The following NUB1 variants were observed in gnomAD, a reference collection of about 807,000 sequenced individuals.
NUB1 encodes negative regulator of ubiquitin like proteins 1, also known as NEDD8 ultimate buster 1.
NUB1 carries 41 observed loss-of-function variants against 77.1 expected under a neutral mutation model. The ratio of observed to expected loss-of-function variants is 0.53; its 90% confidence interval spans 0.41 to 0.69. The LOEUF is 0.69. NUB1 is among the 30% of genes least tolerant of loss of function. The probability of loss-of-function intolerance (pLI) is 0.00; values close to 1 mark genes in which losing one functional copy is unlikely to be tolerated. For synonymous variants in NUB1, 257 were observed against 281.0 expected, an observed-to-expected ratio of 0.91 and a Z score of 0.85; for missense variants, 643 against 743.8, an observed-to-expected ratio of 0.86 and a Z score of 1.58.
intron 11 of NUB1, among the ~76,000 whole-genome samples, chr7:151,371,718 T>G (rs1381439857): frequency 1.3e-5 from 2 of 152,194 alleles, no homozygotes; most frequent in African/African-American, 2.4e-5. Context: ...GGTATGAGCA[T>G]CTGACTGAGC....
At chr7:151,369,135 G>A in intron 11 of NUB1, 1 of 302,872 alleles carries the variant, frequency 3.3e-6, no homozygotes. Context: ...AGCCTCCTGA[G>A]TAGCTGGGAT....
chr7:151,357,919 T>C (rs949858242), intron 7 of NUB1, among the ~76,000 whole-genome samples: 5 of 149,114 alleles, frequency 3.4e-5, no homozygotes, highest in Non-Finnish European at 7.4e-5. Context: ...CGGATTAAAG[T>C]TGTTTTCATA....
In NUB1 at chr7:151,344,713, A is replaced by G. The variant is rs1796397392; in HGVS notation, c.-2-635A>G. Among the ~76,000 whole-genome samples, 3 of 150,762 alleles carry G rather than the reference A, an allele frequency of 2.0e-5. No individual in the cohort carries two copies. In the South Asian group the frequency reaches 6.2e-4, roughly 31 times the overall value. On this transcript the variant is annotated intron_variant, in intron 1 of 14. Coordinates refer to ENST00000568733, the MANE Select transcript of NUB1 (RefSeq NM_001243351.2). Reference sequence around the variant, plus strand: ...CCTTTTGTTTTATGTTAAACTAGCCAAAGTATGAGAGAATTTACAAGCTCA... The same window carrying G: ...CCTTTTGTTTTATGTTAAACTAGCCGAAGTATGAGAGAATTTACAAGCTCA...
intron 6 of NUB1, 63 bp downstream of exon 6, chr7:151,356,013 T>C (rs1797048102): frequency 4.5e-6 from 7 of 1,568,216 alleles, no homozygotes; most frequent in South Asian, 2.2e-5. Flanking sequence ...GATCACACAG[T>C]TGGGGGATCA....
At chr7:151,369,410 C>T (rs1351601529) in intron 11 of NUB1, among the ~76,000 whole-genome samples, 1 of 152,196 alleles carries the variant, frequency 6.6e-6, no homozygotes, top group Non-Finnish European at 1.5e-5. Flanking sequence ...CTTTCTTTAA[C>T]ACCATAGTGT....
chr7:151,342,958 G>A (rs995237937), intron 1 of NUB1, among the ~76,000 whole-genome samples: 1 of 152,132 alleles, frequency 6.6e-6, no homozygotes, highest in Non-Finnish European at 1.5e-5. Context: ...ACAGGTGTGA[G>A]CCACCGCGCC....
At chr7:151,366,840 G>T in intron 8 of NUB1, 99 bp from the exon 9 acceptor site, 1 of 934,648 alleles carries the variant, frequency 1.1e-6, no homozygotes, top group Non-Finnish European at 1.6e-6. Flanking sequence ...TATATACCAA[G>T]AACGGGGAAA....
At chr7:151,373,446 G>C (rs990099373) in intron 11 of NUB1, among the ~76,000 whole-genome samples, 1 of 152,142 alleles carries the variant, frequency 6.6e-6, no homozygotes, top group African/African-American at 2.4e-5. Context: ...CTCTGCAGCC[G>C]TCCTGCGCTC....
intron 9 of NUB1, among the ~76,000 whole-genome samples, chr7:151,367,443 A>G (rs768596305): frequency 3.3e-5 from 5 of 152,208 alleles, no homozygotes; most frequent in East Asian, 1.9e-4. Flanking sequence ...ATGTAAATGC[A>G]GAAAATAGAC....
In NUB1 at chr7:151,356,205, C is replaced by A; in HGVS notation, c.676C>A (p.Pro226Thr). The A allele has an allele frequency of 6.2e-7, 1 of 1,611,606 alleles. No individual in the cohort carries two copies. The highest frequency in any genetic ancestry group is 8.5e-7 in the Non-Finnish European group (1 of 1,177,812). Reference sequence around the variant, plus strand: ...CCAGACAGGCAGATCAATCAGAATTCCCCCATCAGAAAGAAAAGTAAGTAC... The same window carrying A: ...CCAGACAGGCAGATCAATCAGAATTACCCCATCAGAAAGAAAAGTAAGTAC... ...ANQTGRSIRI[P>T]PSERKALMLA... Residue 226 changes from proline to threonine, a missense_variant, in exon 7 of 15, where the codon CCC becomes ACC. Pro to Thr is a conservative substitution (Grantham distance 38, BLOSUM62 -1). Transcript: ENST00000568733.
At chr7:151,374,073 T>A in intron 11 of NUB1, 24 bp from the exon 12 acceptor site, 1 of 1,542,494 alleles carries the variant, frequency 6.5e-7, no homozygotes, top group Non-Finnish European at 8.8e-7. Context: ...TAACTTGGGA[T>A]GGGACTTTGC....
At chr7:151,347,501 AG>A (rs1796558059) in intron 2 of NUB1, among the ~76,000 whole-genome samples, 1 of 152,110 alleles carries the variant, frequency 6.6e-6, no homozygotes, top group South Asian at 2.1e-4. Context: ...TCTGTTGCCC[AG>A]GCTGGAGTGC....
chr7:151,344,365 C>G (rs1315640289), intron 1 of NUB1, among the ~76,000 whole-genome samples: 4 of 151,126 alleles, frequency 2.6e-5, no homozygotes, highest in African/African-American at 9.7e-5. Flanking sequence ...GGCTGGAGTG[C>G]AGTGGTGCCA....
intron 4 of NUB1, among the ~76,000 whole-genome samples, chr7:151,351,839 T>C (rs967873145): frequency 5.9e-5 from 9 of 152,064 alleles, no homozygotes; most frequent in Non-Finnish European, 8.8e-5. Context: ...CTATTTTTTT[T>C]CCCTAATGTA....
Position 151,368,827 on chromosome 7 carries a change from C to A in NUB1, c.1188C>A (p.Gly396=), listed in dbSNP as rs747619837. ...TTACTGCCCAGGAAGCCCGGCTTGG[C>A]CTGAGGGCGTGTGATGGGAACGTGG... ...LGFTAQEARL[G]LRACDGNVDH... is the part of the protein sequence containing the mutation. The change falls in exon 11 of 15, where the codon GGC becomes GGA. Residue 396 remains glycine, a synonymous_variant. Transcript: ENST00000568733. The A allele has an allele frequency of 4.3e-6, 7 of 1,614,026 alleles. No homozygotes were observed. In the South Asian group the frequency reaches 4.4e-5, roughly 10 times the overall value.
chr7:151,369,290 G>A (rs1797853860), intron 11 of NUB1: 1 of 153,924 alleles, frequency 6.5e-6, no homozygotes, highest in African/African-American at 2.4e-5. Context: ...TTACAGGTGT[G>A]AGCCACCGCG....
rs150131115 is a variant in NUB1 at position 151,371,146 on chromosome 7, C to T, written c.1248+2259C>T. The stretch of plus-strand genomic sequence containing the variant: ...AGTGCAGTTGATCCTTCTCCCTCTT[C>T]CACCCAACAGATGTTGTTAGTTACG... On this transcript the variant is annotated intron_variant, in intron 11 of 14. Transcript: ENST00000568733. Among the ~76,000 whole-genome samples, 217 of 152,306 alleles carry T rather than the reference C, an allele frequency of 1.4e-3. 3 individuals carry two copies. The highest frequency in any genetic ancestry group is 0.012 in the South Asian group (59 of 4,820).
At chr7:151,371,768 G>T (rs1259989420) in intron 11 of NUB1, among the ~76,000 whole-genome samples, 1 of 152,242 alleles carries the variant, frequency 6.6e-6, no homozygotes, top group Non-Finnish European at 1.5e-5. Flanking sequence ...GTTTGAGACA[G>T]AGCCTTGCTC....
At chr7:151,373,834 G>A (rs545527220) in intron 11 of NUB1, among the ~76,000 whole-genome samples, 70 of 152,334 alleles carry the variant, frequency 4.6e-4, no homozygotes, top group African/African-American at 1.6e-3. Flanking sequence ...GGTGGATGGC[G>A]GGGCTGGCGA....
Sources: gnomAD v4.1 joint callset for allele counts (sites outside exome capture counted in the v4.1 genomes callset) on GRCh38, gnomAD v4.1.1 for gene constraint, MANE v1.5 for transcripts, NCBI Gene and HGNC (gene_info 2026-07-23, HGNC 2026-07-21) for gene names.